Variants in CPZ observed in about 807,000 individuals in gnomAD.
The protein encoded by CPZ is VEZT/CPZ fusion.
CPZ carries 103 observed loss-of-function variants against 61.8 expected under a neutral mutation model. That is an observed-to-expected ratio of 1.67 (90% CI 1.42 to 1.96). The LOEUF (loss-of-function observed/expected upper bound fraction) is 1.96, where lower values mean the gene tolerates loss of function less well. Ranked by LOEUF, CPZ falls within the 30% of genes most tolerant of loss-of-function variation. The probability of loss-of-function intolerance (pLI) is 0.00; values close to 1 mark genes in which losing one functional copy is unlikely to be tolerated. For synonymous variants in CPZ, 551 were observed against 373.7 expected (o/e 1.47, Z -5.47); for missense variants, 1,461 against 914.9 (o/e 1.60, Z -7.70).
rs58459037 is a variant in CPZ at position 8,596,112 on chromosome 4, T to G, written c.88+3191T>G. ...TGTCACCCAGGCTGGAGTGCAGTGG[T>G]GTGATCTTGGCTCACTGCAACCTCC... On this transcript the variant is annotated intron_variant, in intron 1 of 10. Coordinates refer to ENST00000360986, the MANE Select transcript of CPZ (RefSeq NM_001014447.3). Among the ~76,000 whole-genome samples, 863 of 151,942 alleles carry G rather than the reference T, an allele frequency of 5.7e-3. 49 individuals are homozygous for G. In the East Asian group the frequency reaches 0.13, roughly 23 times the overall value.
At chr4:8,609,217 C>CACTCCCTCACTCACTCATTG (rs1553877680) in intron 7 of CPZ, among the ~76,000 whole-genome samples, 15 of 138,270 alleles carry the variant, frequency 1.1e-4, no homozygotes, top group African/African-American at 2.9e-4. Context: ...CTTACTCATT[C>CACTCCCTCACTCACTCATTG]ACTTACTCAC....
intron 2 of CPZ, 179 bp from the exon 3 acceptor site, chr4:8,600,944 T>C (rs764549292): frequency 1.2e-4 from 165 of 1,351,916 alleles, no homozygotes; most frequent in Non-Finnish European, 7.9e-5. Flanking sequence ...GCTCCTCCTC[T>C]GGTCTCTCAC....
At chr4:8,618,975 GGT>G (rs1716448024) in intron 10 of CPZ, among the ~76,000 whole-genome samples, 1 of 152,102 alleles carries the variant, frequency 6.6e-6, no homozygotes, top group Non-Finnish European at 1.5e-5. Flanking sequence ...GCAGAGATGT[GGT>G]CCAGAGAAGA....
intron 7 of CPZ, 86 bp downstream of exon 7, chr4:8,607,511 G>C (rs1715141956): frequency 1.3e-6 from 2 of 1,483,264 alleles, no homozygotes; most frequent in Non-Finnish European, 1.8e-6. Flanking sequence ...CCTGAGCTCA[G>C]TGAAGGCAAA....
intron 7 of CPZ, among the ~76,000 whole-genome samples, chr4:8,610,975 TTCACTCAG>T (rs1431630715): frequency 6.6e-5 from 10 of 151,896 alleles, no homozygotes; most frequent in East Asian, 1.9e-4. Flanking sequence ...CAATCACTCA[TTCACTCAG>T]TCACTCACTC....
intron 9 of CPZ, among the ~76,000 whole-genome samples, chr4:8,617,807 C>A (rs917759070): frequency 6.6e-6 from 1 of 152,168 alleles, no homozygotes; most frequent in African/African-American, 2.4e-5. Context: ...GGTTTGTCAT[C>A]AACTGTTTTA....
At position 8,618,625 on chromosome 4, in the gene CPZ, C is replaced by G. The variant is rs1716416856; in HGVS notation, c.1603+97C>G. ...CCTCAGGCACTCACAGTGTGCCCAGCCCTCAGCAGGATGGCTCCATTCCTC... is the reference window on the plus strand; with the variant it reads ...CCTCAGGCACTCACAGTGTGCCCAGGCCTCAGCAGGATGGCTCCATTCCTC... On this transcript the variant is annotated intron_variant, in intron 10 of 10. Transcript: ENST00000360986. 6 of 1,173,340 alleles carry G rather than the reference C, an allele frequency of 5.1e-6. No homozygotes were observed. The South Asian group carries it at 8.0e-5, about 16-fold the overall frequency. The allele number at this position is 1,173,340 out of a possible 1,614,324, so 72.7% of individuals were successfully genotyped here.
chr4:8,619,422 C>T lies in CPZ; in HGVS notation c.1764C>T (p.Pro588=), dbSNP rs763768978. The change falls in exon 11 of 11, where the codon CCC becomes CCT. Residue 588 remains proline (P), a synonymous_variant. Transcript: ENST00000360986. The part of the protein sequence containing the change: ...DFILQPLGMG[P]KNFIHGLRRT... Reference sequence around the variant, plus strand: ...TTCTGCAACCTCTGGGGATGGGACCCAAGAACTTTATTCATGGGCTGCGGA... The same window carrying T: ...TTCTGCAACCTCTGGGGATGGGACCTAAGAACTTTATTCATGGGCTGCGGA... The T allele has an allele frequency of 3.7e-6, 6 of 1,614,064 alleles. No individual in the cohort carries two copies. Among genetic ancestry groups the T allele is most frequent in the Non-Finnish European group, 4.2e-6 (5 of 1,179,968 alleles).
intron 9 of CPZ, among the ~76,000 whole-genome samples, chr4:8,616,617 G>A (rs1261634456): frequency 6.6e-6 from 1 of 152,300 alleles, no homozygotes; most frequent in East Asian, 1.9e-4. Flanking sequence ...GAATCGGCCC[G>A]GTGAGGGGCT....
chr4:8,608,661 T>G (rs1447101083), intron 7 of CPZ, among the ~76,000 whole-genome samples: 1 of 151,290 alleles, frequency 6.6e-6, no homozygotes, highest in Non-Finnish European at 1.5e-5. Flanking sequence ...TGTGCATGCA[T>G]GTGCACACGT....
At position 8,601,384 on chromosome 4, in the gene CPZ, T is replaced by TCTGC; in HGVS notation, c.385_388dup (p.Gln130LeufsTer9). 6.3e-7 allele frequency: 1 copy of TCTGC among 1,598,590 alleles called. No homozygotes were observed. Among genetic ancestry groups the TCTGC allele is most frequent in the South Asian group, 1.1e-5 (1 of 89,536 alleles). ...CACATCTGCGAGGGCCTGCGGGAGG[T>TCTGC]CTGCCAGCCCGCCTTCGACGCCATT... On this transcript the variant is annotated frameshift_variant, in exon 3 of 11. Coordinates refer to ENST00000360986, the MANE Select transcript of CPZ (RefSeq NM_001014447.3). LOFTEE classifies it high-confidence loss of function.
chr4:8,605,594 T>TCCATCATTGATA (rs1365674019), intron 4 of CPZ, among the ~76,000 whole-genome samples: 1 of 104,644 alleles, frequency 9.6e-6, no homozygotes, highest in African/African-American at 6.0e-5. Flanking sequence ...CAGCCAGCCA[T>TCCATCATTGATA]TATTCATCCA....
rs149657285 is a variant in CPZ, at chr4:8,609,059, ACTCC to A, written c.1227+1638_1227+1641del. ...CACCCATTCACTCCCTCCCTCCCTC[ACTCC>A]CTCACTCACCACTCATACATTCACC... On this transcript the variant is annotated intron_variant, in intron 7 of 10. Transcript: ENST00000360986. Among the ~76,000 whole-genome samples, 652 of 117,996 alleles carry A rather than the reference ACTCC, an allele frequency of 5.5e-3. 4 individuals are homozygous for A. The highest frequency in any genetic ancestry group is 8.7e-3 in the Middle Eastern group (2 of 230). The allele number at this position is 117,996 out of a possible 152,430, so 77.4% of individuals were successfully genotyped here. A position where few individuals can be genotyped will look rare whatever the true frequency, so the allele number is the denominator to read the frequency against.
intron 1 of CPZ, among the ~76,000 whole-genome samples, chr4:8,596,346 G>A (rs560457629): frequency 2.6e-5 from 4 of 152,326 alleles, no homozygotes; most frequent in Non-Finnish European, 5.9e-5. Flanking sequence ...CACTGCACCC[G>A]GCTGTTGTTG....
intron 1 of CPZ, among the ~76,000 whole-genome samples, chr4:8,595,490 C>T (rs1714110909): frequency 6.6e-6 from 1 of 152,182 alleles, no homozygotes; most frequent in South Asian, 2.1e-4. Context: ...GTCAGCAGGC[C>T]CACCCCCGTG....
intron 7 of CPZ, 111 bp from the exon 8 acceptor site, chr4:8,611,916 C>A: frequency 6.9e-7 from 1 of 1,455,142 alleles, no homozygotes; most frequent in East Asian, 2.4e-5. Context: ...ATTCCCCTCT[C>A]CTATCTGCAA....
intron 7 of CPZ, among the ~76,000 whole-genome samples, chr4:8,609,514 C>T (rs1445742956): frequency 6.6e-6 from 1 of 152,258 alleles, no homozygotes; most frequent in Non-Finnish European, 1.5e-5. Flanking sequence ...TCTGCAAGTG[C>T]CCGCAGAGGT....
At chr4:8,609,139 C>CCCA (rs1491314777) in intron 7 of CPZ, among the ~76,000 whole-genome samples, 1 of 21,852 alleles carries the variant, frequency 4.6e-5, no homozygotes, top group African/African-American at 1.2e-4. Context: ...CACTCATTTA[C>CCCA]TCATTCACCC....
chr4:8,606,856 C>G lies in CPZ; in HGVS notation c.1026C>G (p.Arg342=). 1.2e-6 allele frequency: 2 copies of G among 1,613,330 alleles called. No individual in the cohort carries two copies. Among genetic ancestry groups the G allele is most frequent in the Non-Finnish European group, 8.5e-7 (1 of 1,179,818 alleles). ...YYRLAETRGA[R]SDHIPIPQHY... ...GGCTGGCGGAGACCCGCGGCGCACG[C>G]AGCGACCACATCCCCATCCCCCAGC... is the stretch of plus-strand genomic sequence containing the variant. The change falls in exon 6 of 11, where the codon CGC becomes CGG. Residue 342 remains arginine, a synonymous_variant. Coordinates refer to ENST00000360986, the MANE Select transcript of CPZ (RefSeq NM_001014447.3).
Sources: allele counts gnomAD v4.1 joint callset (sites outside exome capture counted in the v4.1 genomes callset), GRCh38; gene constraint gnomAD v4.1.1; transcripts MANE v1.5; gene names NCBI Gene and HGNC (gene_info 2026-07-23, HGNC 2026-07-21).